CTNNA2: variants seen among roughly 807,000 people sequenced by gnomAD.
CTNNA2 encodes catenin alpha 2.
CTNNA2 carries 42 observed loss-of-function variants against 101.0 expected under a neutral mutation model. That is an observed-to-expected ratio of 0.42 (90% CI 0.32 to 0.54). CTNNA2 has a LOEUF of 0.54. CTNNA2 is among the 20% of genes least tolerant of loss of function. The probability of loss-of-function intolerance (pLI) is 0.14; values close to 1 mark genes in which losing one functional copy is unlikely to be tolerated. For missense variants in CTNNA2, 871 were observed against 1,223.1 expected, an observed-to-expected ratio of 0.71 and a Z score of 4.29; for synonymous variants, 450 against 456.4, an observed-to-expected ratio of 0.99 and a Z score of 0.18.
chr2:80,530,715 T>G (rs998387577), intron 9 of CTNNA2, among the ~76,000 whole-genome samples: 1 of 152,162 alleles, frequency 6.6e-6, no homozygotes, highest in African/African-American at 2.4e-5. Context: ...ATGGTTTCGA[T>G]AGCACTGTTT....
chr2:79,227,129 T>C (rs145879869), intron 2 of CTNNA2, among the ~76,000 whole-genome samples: 1 of 152,264 alleles, frequency 6.6e-6, no homozygotes, highest in East Asian at 1.9e-4. Flanking sequence ...AGAGTAAACT[T>C]ATTAATCAGC....
intron 7 of CTNNA2, among the ~76,000 whole-genome samples, chr2:80,008,472 T>C (rs1369664374): frequency 3.3e-5 from 5 of 152,170 alleles, no homozygotes; most frequent in African/African-American, 1.2e-4. Context: ...ACTGAAGCAG[T>C]TCTGCGATTC....
intron 18 of CTNNA2, among the ~76,000 whole-genome samples, chr2:80,639,772 G>T (rs1265497036): frequency 6.6e-6 from 1 of 152,108 alleles, no homozygotes; most frequent in Non-Finnish European, 1.5e-5. Context: ...AAAATCAGCT[G>T]TGGAAATAAA....
At chr2:80,536,960 G>C (rs1691087844) in intron 9 of CTNNA2, among the ~76,000 whole-genome samples, 2 of 152,182 alleles carry the variant, frequency 1.3e-5, no homozygotes, top group Non-Finnish European at 1.5e-5. Flanking sequence ...AGAATGTGCA[G>C]GCTTGTTACA....
At chr2:79,551,190 C>A (rs1326401319) in intron 1 of CTNNA2, among the ~76,000 whole-genome samples, 1 of 151,894 alleles carries the variant, frequency 6.6e-6, no homozygotes, top group Non-Finnish European at 1.5e-5. Flanking sequence ...TGAAGATAGA[C>A]CCAGGAAAAA....
intron 7 of CTNNA2, among the ~76,000 whole-genome samples, chr2:80,146,736 T>G (rs1703369478): frequency 8.4e-6 from 1 of 119,276 alleles, no homozygotes. Context: ...TTTTTTTTTT[T>G]TTTTTTGAGA....
intron 7 of CTNNA2, among the ~76,000 whole-genome samples, chr2:80,149,861 C>G (rs554261776): frequency 6.6e-6 from 1 of 151,534 alleles, no homozygotes; most frequent in Non-Finnish European, 1.5e-5. Flanking sequence ...ACCCAAGATG[C>G]AAATGTTTAG....
chr2:80,423,203 G>T (rs1444540), intron 9 of CTNNA2, among the ~76,000 whole-genome samples: 84,507 of 151,784 alleles, frequency 0.56, 27,117 homozygotes, highest in African/African-American at 0.88. Context: ...GTTCTTTTTG[G>T]TTTTTTCCTG....
chr2:79,426,065 G>C (rs1678589612), intron 4 of CTNNA2, among the ~76,000 whole-genome samples: 1 of 152,106 alleles, frequency 6.6e-6, no homozygotes, highest in African/African-American at 2.4e-5. Flanking sequence ...AAAACTTTAA[G>C]TGCATGTTAA....
At chr2:80,245,761 G>A (rs1028787703) in intron 7 of CTNNA2, among the ~76,000 whole-genome samples, 1 of 119,856 alleles carries the variant, frequency 8.3e-6, no homozygotes, top group African/African-American at 3.1e-5. Flanking sequence ...TTTTAATTTT[G>A]AACAACCATT....
chr2:79,778,579 G>A (rs979829936), intron 3 of CTNNA2, among the ~76,000 whole-genome samples: 10 of 151,968 alleles, frequency 6.6e-5, no homozygotes, highest in African/African-American at 1.7e-4. Context: ...AAACATATAC[G>A]TATATACATA....
intron 9 of CTNNA2, among the ~76,000 whole-genome samples, chr2:80,475,140 ATAACT>A (rs1339926543): frequency 2.0e-5 from 3 of 152,198 alleles, no homozygotes; most frequent in Non-Finnish European, 4.4e-5. Flanking sequence ...GTTTCTTCAA[ATAACT>A]TAACGATCTC....
At chr2:79,681,808 C>A (rs532252450) in intron 2 of CTNNA2, among the ~76,000 whole-genome samples, 1 of 152,208 alleles carries the variant, frequency 6.6e-6, no homozygotes, top group South Asian at 2.1e-4. Context: ...AAAAACTTAC[C>A]GCTTCAGAGG....
At position 79,334,369 on chromosome 2, in the gene CTNNA2, C is replaced by CA. The variant is rs201855170; in HGVS notation, c.-318+21583dup. Among the ~76,000 whole-genome samples, 819 of 141,888 alleles carry CA rather than the reference C, an allele frequency of 5.8e-3. 3 individuals carry two copies. The highest frequency in any genetic ancestry group is 0.042 in the East Asian group (205 of 4,926). The allele number at this position is 141,888 out of a possible 152,430, so 93.1% of individuals were successfully genotyped here. On this transcript the variant is annotated intron_variant, in intron 3 of 21. Coordinates refer to the CTNNA2 transcript ENST00000466387. ...GCATAGCTTTTTTTCTGCACTATGC[C>CA]AAAAAAAAAAGCTGCCTGTTTATTG...
chr2:79,271,015 C>A (rs112863852), intron 2 of CTNNA2, among the ~76,000 whole-genome samples: 79 of 151,976 alleles, frequency 5.2e-4, no homozygotes, highest in African/African-American at 1.8e-3. Flanking sequence ...GAAAGAGAAG[C>A]AAAATAAGTC....
chr2:80,073,771 C>CACACTT (rs1553443664), intron 7 of CTNNA2, among the ~76,000 whole-genome samples: 7,001 of 146,294 alleles, frequency 0.048, 252 homozygotes, highest in East Asian at 0.12. Flanking sequence ...CACACACACA[C>CACACTT]TTATAGGATT....
chr2:79,423,642 C>T (rs1034147153), intron 4 of CTNNA2, among the ~76,000 whole-genome samples: 9 of 152,098 alleles, frequency 5.9e-5, no homozygotes, highest in Non-Finnish European at 1.3e-4. Flanking sequence ...AGATAAACAT[C>T]CCACTTTATA....
At chr2:80,024,771 C>T (rs561451162) in intron 7 of CTNNA2, among the ~76,000 whole-genome samples, 3 of 152,330 alleles carry the variant, frequency 2.0e-5, no homozygotes, top group African/African-American at 7.2e-5. Context: ...GCTCCTTTAG[C>T]ATTCGATGTC....
At chr2:79,949,824 G>C (rs2196159) in intron 7 of CTNNA2, among the ~76,000 whole-genome samples, 1,753 of 152,314 alleles carry the variant, frequency 0.012, 83 homozygotes, top group East Asian at 0.085. Flanking sequence ...ATACTTGATA[G>C]TGCTATTTTG....
Sources: allele counts gnomAD v4.1 joint callset (sites outside exome capture counted in the v4.1 genomes callset), GRCh38; gene constraint gnomAD v4.1.1; transcripts MANE v1.5; gene names NCBI Gene and HGNC (gene_info 2026-07-23, HGNC 2026-07-21).